Variants in MRPS7 observed in about 807,000 individuals in gnomAD.
MRPS7 encodes small ribosomal subunit protein uS7m.
Under a neutral mutation model 26.2 loss-of-function variants are expected in MRPS7, and 13 were observed. The observed-to-expected ratio is 0.50, with a 90% CI of 0.32 to 0.79. The LOEUF (loss-of-function observed/expected upper bound fraction) is 0.79. Among genes scored for constraint, MRPS7 ranks in the 30% least tolerant of loss-of-function variants. The pLI is 0.03. For synonymous variants in MRPS7, 129 were observed against 113.3 expected (o/e 1.14, Z -0.88); for missense variants, 318 against 312.2 (o/e 1.02, Z -0.14).
rs761847997 is a variant in MRPS7, at chr17:75,262,568, G to T, written c.155G>T (p.Arg52Leu). The T allele has an allele frequency of 6.2e-7, 1 of 1,614,124 alleles. No homozygotes were observed. The highest frequency in any genetic ancestry group is 1.1e-5 in the South Asian group (1 of 91,090). ...CCCTTGATTGACAAGGAATATTATCGCAAGCCAGTGGAGGAGCTAACTGAG... is the reference window on the plus strand; with the variant it reads ...CCCTTGATTGACAAGGAATATTATCTCAAGCCAGTGGAGGAGCTAACTGAG... ...KDPLIDKEYYRKPVEELTEEE... is the reference protein window; with the variant it reads ...KDPLIDKEYYLKPVEELTEEE... Residue 52 changes from arginine (R) to leucine (L), a missense_variant, in exon 2 of 5, where the codon CGC becomes CTC. Coordinates refer to ENST00000245539, the MANE Select transcript of MRPS7 (RefSeq NM_015971.4).
rs758519730 is a variant in MRPS7 at position 75,265,737 on chromosome 17, C to T, written c.543C>T (p.Phe181=). Residue 181 remains phenylalanine, a synonymous_variant, in exon 5 of 5, where the codon TTC becomes TTT. Transcript: ENST00000245539. ...CCCTACCCGACCGGCGTCGCCGCTTCCTAGCCATGAAGTGGATGATCACTG... is the reference window on the plus strand; with the variant it reads ...CCCTACCCGACCGGCGTCGCCGCTTTCTAGCCATGAAGTGGATGATCACTG... ...PVPLPDRRRR[F]LAMKWMITEC... is the part of the protein sequence containing the mutation. The T allele has an allele frequency of 1.1e-5, 18 of 1,614,124 alleles. No homozygotes were observed. In the South Asian group the frequency reaches 1.6e-4, roughly 15 times the overall value.
intron 3 of MRPS7, 73 bp from the exon 4 acceptor site, chr17:75,263,267 G>A (rs1045869403): frequency 3.4e-5 from 54 of 1,575,286 alleles, no homozygotes; most frequent in Non-Finnish European, 4.4e-5. Flanking sequence ...GGAGTAAAGG[G>A]CAAGGTACTA....
rs758142652 is a variant in MRPS7, at chr17:75,265,800, G to A, written c.606G>A (p.Pro202=). 2.3e-5 allele frequency: 37 copies of A among 1,614,076 alleles called. 1 individual carries two copies. The East Asian group carries it at 3.8e-4, about 17-fold the overall frequency. ...AAAAGCACCAGCGGACACTGATGCC[G>A]GAGAAGCTGTCACACAAGCTGCTGG... is the stretch of plus-strand genomic sequence containing the variant. The part of the protein sequence containing the change: ...RDKKHQRTLM[P]EKLSHKLLEA... Residue 202 remains proline (P), a synonymous_variant, in exon 5 of 5, where the codon CCG becomes CCA. Transcript: ENST00000245539.
At chr17:75,265,094 T>C (rs1324268392) in intron 4 of MRPS7, among the ~76,000 whole-genome samples, 1 of 152,082 alleles carries the variant, frequency 6.6e-6, no homozygotes, top group African/African-American at 2.4e-5. Flanking sequence ...CAGGCTGGAG[T>C]GCAGTGGTGC....
rs778531303 is a variant in MRPS7, at chr17:75,265,913, G to A, written c.719G>A (p.Arg240His). ...GCCAACCGTGCCCTGGCCCACTACC[G>A]CTGGTGGTAGAGTCTCCAGGAGGAG... is the stretch of plus-strand genomic sequence containing the variant. ...AEANRALAHY[R>H]WW Residue 240 changes from arginine to histidine, a missense_variant, in exon 5 of 5, where the codon CGC becomes CAC. Physicochemically the swap from Arg to His is conservative, Grantham distance 29. Transcript: ENST00000245539. 5 of 1,613,348 alleles carry A rather than the reference G, an allele frequency of 3.1e-6. No individual in the cohort carries two copies. Among genetic ancestry groups the A allele is most frequent in the South Asian group, 2.2e-5 (2 of 91,078 alleles).
intron 1 of MRPS7, 113 bp downstream of exon 1, chr17:75,262,096 T>G (rs1215055709): frequency 1.6e-6 from 2 of 1,278,244 alleles, no homozygotes; most frequent in East Asian, 2.4e-5. Flanking sequence ...AGTATCTGGA[T>G]TCAAGCTTCT....
intron 4 of MRPS7, among the ~76,000 whole-genome samples, chr17:75,264,673 C>CTT (rs34581252): frequency 7.4e-6 from 1 of 135,234 alleles, no homozygotes; most frequent in Admixed American, 7.5e-5. Context: ...TTGTTTTTAA[C>CTT]TTTTTTTTTT....
rs541221529 is a variant in MRPS7 at position 75,265,797 on chromosome 17, G to C, written c.603G>C (p.Met201Ile). 5.6e-6 allele frequency: 9 copies of C among 1,614,210 alleles called. No homozygotes were observed. The highest frequency in any genetic ancestry group is 1.6e-4 in the Middle Eastern group (1 of 6,062). The change falls in exon 5 of 5, where the codon ATG becomes ATC. Residue 201 changes from methionine (M) to isoleucine (I), a missense_variant. Transcript: ENST00000245539. ...ATAAAAAGCACCAGCGGACACTGAT[G>C]CCGGAGAAGCTGTCACACAAGCTGC... ...CRDKKHQRTL[M>I]PEKLSHKLLE...
chr17:75,262,390 C>T (rs756080870), intron 1 of MRPS7, 107 bp from the exon 2 acceptor site: 1 of 1,288,668 alleles, frequency 7.8e-7, no homozygotes, highest in South Asian at 1.4e-5. Context: ...GCGGTCTCCG[C>T]GCCGCTCCCC....
intron 3 of MRPS7, 96 bp downstream of exon 3, chr17:75,262,963 C>T: frequency 8.3e-7 from 1 of 1,210,974 alleles, no homozygotes; most frequent in East Asian, 2.5e-5. Flanking sequence ...CAAATGGATT[C>T]ATGTATCTAT....
chr17:75,263,625 G>T, intron 4 of MRPS7, 118 bp downstream of exon 4: 1 of 1,326,140 alleles, frequency 7.5e-7, no homozygotes, highest in Non-Finnish European at 1.0e-6. Flanking sequence ...GATTGCACCT[G>T]TAATCTCAGC....
rs866729091 is a variant in MRPS7, at chr17:75,262,825, G to A, written c.297G>A (p.Met99Ile). The A allele has an allele frequency of 6.2e-7, 1 of 1,614,048 alleles. No homozygotes were observed. The highest frequency in any genetic ancestry group is 1.3e-5 in the African/African-American group (1 of 74,918). The change falls in exon 3 of 5, where the codon ATG (methionine) becomes ATA (isoleucine). Residue 99 changes from methionine to isoleucine, a missense_variant. Transcript: ENST00000245539. ...PVISKFTNMM[M>I]IGGNKVLARS... Reference sequence around the variant, plus strand: ...GAAGTAAATTCACCAACATGATGATGATAGGAGGAAACAAAGTACTGGCCA... The same window carrying A: ...GAAGTAAATTCACCAACATGATGATAATAGGAGGAAACAAAGTACTGGCCA...
rs371836899 is a variant in MRPS7, at chr17:75,262,488, C to A, written c.84-9C>A. On this transcript the variant is annotated splice_polypyrimidine_tract_variant and intron_variant, in intron 1 of 4. Transcript: ENST00000245539. The stretch of plus-strand genomic sequence containing the variant: ...CTTTTGCCTGCCTCCTCCTTTCCCC[C>A]CCTCCCAGGCTAACTCAGGTGAGAT... 1.9e-6 allele frequency: 3 copies of A among 1,612,172 alleles called. No homozygotes were observed. Among genetic ancestry groups the A allele is most frequent in the South Asian group, 1.1e-5 (1 of 91,034 alleles).
rs779661343 is a variant in MRPS7 at position 75,262,646 on chromosome 17, C to T, written c.233C>T (p.Pro78Leu). The change falls in exon 2 of 5, where the codon CCA (proline) becomes CTA (leucine). Residue 78 changes from proline (P) to leucine (L), a missense_variant. Transcript: ENST00000245539. The stretch of plus-strand genomic sequence containing the variant: ...AAGACTCAGCTCATCAAAGCTGCTC[C>T]AGCAGGGAAAACAAGTTCTGTGTTT... Reference protein sequence around the residue: ...LKKTQLIKAAPAGKTSSVFED... With the variant: ...LKKTQLIKAALAGKTSSVFED... The T allele has an allele frequency of 5.0e-6, 8 of 1,614,000 alleles. No individual in the cohort carries two copies. The East Asian group carries it at 1.6e-4, about 31-fold the overall frequency.
rs62623397 is a variant in MRPS7 at position 75,262,417 on chromosome 17, C to T, written c.84-80C>T. The T allele has an allele frequency of 1.2e-3, 1,831 of 1,474,482 alleles. 33 individuals are homozygous for T. In the African/African-American group the frequency reaches 0.023, roughly 19 times the overall value. The allele number at this position is 1,474,482 out of a possible 1,614,324, so 91.3% of individuals were successfully genotyped here. A position where few individuals can be genotyped will look rare whatever the true frequency, so the allele number is the denominator to read the frequency against. ...CCGCTCCCCCTCGTCGGCGCGTTGG[C>T]AGTCATGCCTATTGTTAAGTCAAAC... On this transcript the variant is annotated intron_variant, in intron 1 of 4. Transcript: ENST00000245539.
At chr17:75,262,369 A>T (rs772666362) in intron 1 of MRPS7, 128 bp from the exon 2 acceptor site, 73 of 1,027,952 alleles carry the variant, frequency 7.1e-5, no homozygotes, top group Non-Finnish European at 9.9e-5. Flanking sequence ...GTTGTGGCTC[A>T]GGTTTAGCTC....
chr17:75,262,026 G>A, intron 1 of MRPS7, 43 bp downstream of exon 1: 1 of 1,597,974 alleles, frequency 6.3e-7, no homozygotes, highest in Middle Eastern at 1.7e-4. Flanking sequence ...CTGCGAGGAA[G>A]GAAGGGGGCC....
intron 3 of MRPS7, 119 bp downstream of exon 3, chr17:75,262,986 C>T (rs575178912): frequency 8.0e-5 from 82 of 1,025,396 alleles, no homozygotes; most frequent in Middle Eastern, 2.2e-4. Context: ...TTCAGATTAA[C>T]TTCCCTGCAT....
rs772014277 is a variant in MRPS7, at chr17:75,263,416, G to A, written c.416G>A (p.Arg139His). 12 of 1,614,024 alleles carry A rather than the reference G, an allele frequency of 7.4e-6. No homozygotes were observed. In the South Asian group the frequency reaches 9.9e-5, roughly 13 times the overall value. ...GCAGAGGAACAGGCAACCATCGAAC[G>A]CAACCCCTACACCATCTTCCATCAA... ...ASAEEQATIE[R>H]NPYTIFHQAL... The change falls in exon 4 of 5, where the codon CGC becomes CAC. Residue 139 changes from arginine (R) to histidine (H), a missense_variant. By Grantham distance (29) the Arg-to-His change is conservative. Coordinates refer to ENST00000245539, the MANE Select transcript of MRPS7 (RefSeq NM_015971.4).
Sources: gnomAD v4.1 joint callset for allele counts (sites outside exome capture counted in the v4.1 genomes callset) on GRCh38, gnomAD v4.1.1 for gene constraint, MANE v1.5 for transcripts, NCBI Gene and HGNC (gene_info 2026-07-23, HGNC 2026-07-21) for gene names.